Variants in SLC9C1 observed in about 807,000 individuals in gnomAD.
SLC9C1 encodes the protein solute carrier family 9 member C1.
In SLC9C1, 97 loss-of-function variants were observed where a neutral mutation model predicts 140.9. The ratio of observed to expected loss-of-function variants is 0.69; its 90% CI spans 0.58 to 0.82. The LOEUF (loss-of-function observed/expected upper bound fraction) is 0.82. Ranked by LOEUF, SLC9C1 falls within the 40% of genes least tolerant of loss-of-function variation. The pLI, the probability that SLC9C1 is intolerant of heterozygous loss-of-function variation, is 0.00. For synonymous variants in SLC9C1, 440 were observed against 442.6 expected (o/e 0.99, Z 0.07); for missense variants, 1,340 against 1,389.3 (o/e 0.96, Z 0.56).
chr3:112,200,787 C>T (rs1402149773), intron 18 of SLC9C1, 25 bp from the exon 19 acceptor site: 12 of 1,582,224 alleles, frequency 7.6e-6, no homozygotes, highest in Non-Finnish European at 9.5e-6. Flanking sequence ...AAATGTTATC[C>T]CCATTGGAAA....
chr3:112,151,620 A>AT (rs1281074431), intron 28 of SLC9C1: 35 of 516,162 alleles, frequency 6.8e-5, no homozygotes, highest in African/African-American at 6.6e-4. Flanking sequence ...AAGTGGCAGT[A>AT]TATAGAGAGG....
chr3:112,180,683 CATAAACT>C (rs753347043), intron 21 of SLC9C1, 21 bp from the exon 22 acceptor site: 41 of 1,551,480 alleles, frequency 2.6e-5, no homozygotes, highest in Non-Finnish European at 3.5e-5. Context: ...CCACCAAATA[CATAAACT>C]ATAAACAACA....
At chr3:112,145,663 G>C (rs75039150) in intron 28 of SLC9C1, among the ~76,000 whole-genome samples, 7,060 of 121,906 alleles carry the variant, frequency 0.058, 219 homozygotes, top group South Asian at 0.09. Context: ...ATATTGGTCT[G>C]TTCAGTTTTT....
intron 20 of SLC9C1, among the ~76,000 whole-genome samples, chr3:112,182,774 C>T (rs543469238): frequency 6.6e-4 from 100 of 152,280 alleles, no homozygotes; most frequent in Middle Eastern, 3.4e-3. Flanking sequence ...CTCCTCTAAT[C>T]ATTACTTCTA....
chr3:112,190,928 AACACACACACACACACACAC>A (rs56930611), intron 20 of SLC9C1, among the ~76,000 whole-genome samples: 1 of 138,682 alleles, frequency 7.2e-6, no homozygotes, highest in Non-Finnish European at 1.6e-5. Flanking sequence ...ACTTTTTTTA[AACACACACACACACACACAC>A]ACACACACAC....
chr3:112,269,504 C>T lies in SLC9C1; in HGVS notation c.775+412G>A, dbSNP rs187603229. The stretch of plus-strand genomic sequence containing the variant: ...GAAATGTTCTTCGAGTTAATTTCTG[C>T]GAATTGTCTACAGGTATATGTAAAG... On this transcript the variant is annotated intron_variant, in intron 7 of 28. Transcript: ENST00000305815. Among the ~76,000 whole-genome samples, 157 of 152,158 alleles carry T rather than the reference C, an allele frequency of 1.0e-3. 3 individuals carry two copies. The East Asian group carries it at 0.013, about 12-fold the overall frequency.
At chr3:112,205,347 G>T (rs534138690) in intron 16 of SLC9C1, among the ~76,000 whole-genome samples, 2 of 151,646 alleles carry the variant, frequency 1.3e-5, no homozygotes, top group African/African-American at 4.8e-5. Flanking sequence ...ACTTACAAGG[G>T]ACGTGAAGGA....
intron 23 of SLC9C1, among the ~76,000 whole-genome samples, chr3:112,177,181 A>G (rs144047739): frequency 0.01 from 1,525 of 151,428 alleles, 25 homozygotes; most frequent in African/African-American, 0.034. Context: ...TAATTTTTGT[A>G]TTTTTATTGG....
chr3:112,225,575 T>A (rs1265412856), intron 13 of SLC9C1, among the ~76,000 whole-genome samples: 3 of 151,358 alleles, frequency 2.0e-5, no homozygotes, highest in South Asian at 4.2e-4. Context: ...TTCAATAATA[T>A]CCCTGAATGT....
At chr3:112,266,214 A>C (rs2079914412) in intron 8 of SLC9C1, 24 bp downstream of exon 8, 3 of 1,485,416 alleles carry the variant, frequency 2.0e-6, no homozygotes, top group Non-Finnish European at 2.8e-6. Flanking sequence ...TATGAAATAA[A>C]GTCAAAATAT....
chr3:112,240,034 T>C (rs776631592), intron 11 of SLC9C1, 28 bp from the exon 12 acceptor site: 35 of 1,572,808 alleles, frequency 2.2e-5, no homozygotes, highest in Non-Finnish European at 3.0e-5. Flanking sequence ...ATTTGATAAA[T>C]AGTAGAAACA....
intron 10 of SLC9C1, among the ~76,000 whole-genome samples, chr3:112,252,802 G>C (rs931946624): frequency 6.6e-6 from 1 of 152,128 alleles, no homozygotes; most frequent in Admixed American, 6.6e-5. Flanking sequence ...AAATAGGTCA[G>C]ACTGCTTTTT....
chr3:112,176,886 C>G (rs1053336161), intron 23 of SLC9C1, among the ~76,000 whole-genome samples: 1 of 151,974 alleles, frequency 6.6e-6, no homozygotes, highest in Non-Finnish European at 1.5e-5. Flanking sequence ...GGTCATGATT[C>G]TTACTCCTAA....
intron 11 of SLC9C1, 103 bp from the exon 12 acceptor site, chr3:112,240,109 A>G: frequency 9.2e-7 from 1 of 1,091,214 alleles, no homozygotes; most frequent in Non-Finnish European, 1.3e-6. Context: ...TAATCTTTAA[A>G]TAAAATTTCA....
At chr3:112,265,157 G>A (rs894004559) in intron 8 of SLC9C1, among the ~76,000 whole-genome samples, 15 of 151,932 alleles carry the variant, frequency 9.9e-5, no homozygotes, top group African/African-American at 3.6e-4. Flanking sequence ...ATCACTTCGA[G>A]GTTCAGAGAG....
chr3:112,250,700 C>T (rs1252440356), intron 10 of SLC9C1, among the ~76,000 whole-genome samples: 4 of 152,092 alleles, frequency 2.6e-5, no homozygotes, highest in Non-Finnish European at 5.9e-5. Context: ...GAGATGCCAC[C>T]TCACACCACT....
rs146725908 is a variant in SLC9C1, at chr3:112,153,045, G to C, written c.3418-1082C>G. On this transcript the variant is annotated intron_variant, in intron 27 of 28. Coordinates refer to ENST00000305815, the MANE Select transcript of SLC9C1 (RefSeq NM_183061.3). ...TATGTAAAGGGAAAGCCACAGTCCT[G>C]GGATGGTAATGATGAGGAAAGGGTT... Among the ~76,000 whole-genome samples, 54 of 152,238 alleles carry C rather than the reference G, an allele frequency of 3.5e-4. 1 individual carries two copies. In the East Asian group the frequency reaches 9.6e-3, roughly 27 times the overall value.
chr3:112,160,766 G>A (rs1443921878), intron 26 of SLC9C1, among the ~76,000 whole-genome samples: 1 of 151,046 alleles, frequency 6.6e-6, no homozygotes, highest in Non-Finnish European at 1.5e-5. Context: ...ATGATTTATA[G>A]TCCTTTGGGT....
rs541636915 is a variant in SLC9C1 at position 112,293,584 on chromosome 3, T to C, written c.-88+509A>G. On this transcript the variant is annotated intron_variant, in intron 1 of 28. Transcript: ENST00000305815. ...AAAGCTCATGCTTAATGGTTTATTT[T>C]ATATTGATACCAGAGGCTGGATTGT... Among the ~76,000 whole-genome samples the C allele has an allele frequency of 1.6e-4, 24 of 152,324 alleles. 1 individual carries two copies. In the Middle Eastern group the frequency reaches 0.01, roughly 65 times the overall value.
Sources: allele counts gnomAD v4.1 joint callset (sites outside exome capture counted in the v4.1 genomes callset), GRCh38; gene constraint gnomAD v4.1.1; transcripts MANE v1.5; gene names NCBI Gene and HGNC (gene_info 2026-07-23, HGNC 2026-07-21).